Variants in PRKCA observed in about 807,000 individuals in gnomAD.
PRKCA encodes protein kinase C alpha type.
A neutral mutation model predicts 87.0 loss-of-function variants in PRKCA; 27 were observed. The observed-to-expected ratio is 0.31, with a 90% CI of 0.23 to 0.43. The LOEUF (loss-of-function observed/expected upper bound fraction) is 0.43, where lower values mean the gene tolerates loss of function less well. PRKCA is among the 20% of genes least tolerant of loss of function. PRKCA has a pLI of 1.00. For synonymous variants in PRKCA, 329 were observed against 311.1 expected, an observed-to-expected ratio of 1.06 and a Z score of -0.61; for missense variants, 518 against 852.3, an observed-to-expected ratio of 0.61 and a Z score of 4.88.
chr17:66,417,973 C>T (rs183978234), intron 2 of PRKCA, among the ~76,000 whole-genome samples: 1 of 152,294 alleles, frequency 6.6e-6, no homozygotes, highest in Non-Finnish European at 1.5e-5. Context: ...ATGTTGCACA[C>T]TCTCTGTTTT....
chr17:66,466,691 G>A (rs1407329805), intron 2 of PRKCA, among the ~76,000 whole-genome samples: 1 of 151,820 alleles, frequency 6.6e-6, no homozygotes, highest in Non-Finnish European at 1.5e-5. Flanking sequence ...TAAATTTTTG[G>A]TGTAATGCAC....
chr17:66,473,378 C>G (rs971264613), intron 2 of PRKCA, among the ~76,000 whole-genome samples: 4 of 152,204 alleles, frequency 2.6e-5, no homozygotes, highest in African/African-American at 9.6e-5. Context: ...CTACCCATCT[C>G]TTCCTTTCAG....
At chr17:66,452,398 T>G (rs1433671457) in intron 2 of PRKCA, among the ~76,000 whole-genome samples, 4 of 152,186 alleles carry the variant, frequency 2.6e-5, no homozygotes. Context: ...TTTGTGAGGC[T>G]TAACAGGAAG....
chr17:66,573,086 T>C (rs981917135), intron 3 of PRKCA, among the ~76,000 whole-genome samples: 1 of 152,158 alleles, frequency 6.6e-6, no homozygotes, highest in Admixed American at 6.5e-5. Context: ...CCTCCTCTTA[T>C]GATATTTTAT....
At chr17:66,373,799 A>C (rs984670318) in intron 2 of PRKCA, among the ~76,000 whole-genome samples, 1 of 152,210 alleles carries the variant, frequency 6.6e-6, no homozygotes, top group Admixed American at 6.5e-5. Context: ...AAAATCGGGT[A>C]GATTACCTCT....
intron 3 of PRKCA, among the ~76,000 whole-genome samples, chr17:66,512,186 C>T (rs1324598309): frequency 6.6e-6 from 1 of 152,128 alleles, no homozygotes; most frequent in African/African-American, 2.4e-5. Context: ...CATTGTGTCA[C>T]TCCATCTGAA....
intron 3 of PRKCA, among the ~76,000 whole-genome samples, chr17:66,637,889 C>T (rs1048141912): frequency 6.6e-5 from 10 of 152,052 alleles, no homozygotes; most frequent in Middle Eastern, 3.2e-3. Flanking sequence ...TGATGCTGTG[C>T]GGGAACCATG....
At position 66,688,952 on chromosome 17, in the gene PRKCA, T is replaced by C. The variant is rs745511133; in HGVS notation, c.823T>C (p.Tyr275His). 1.4e-5 allele frequency: 22 copies of C among 1,588,056 alleles called. No individual in the cohort carries two copies. The highest frequency in any genetic ancestry group is 1.9e-5 in the Non-Finnish European group (22 of 1,158,440). The change falls in exon 8 of 17, where the codon TAC (tyrosine) becomes CAC (histidine). Residue 275 changes from tyrosine to histidine, a missense_variant and splice_region_variant. Tyr to His is a moderately conservative substitution (Grantham distance 83, BLOSUM62 2). Around this residue, in one of 5 missense-constraint regions of PRKCA, gnomAD observed 300 missense variants for 496.8 expected, o/e 0.60. Coordinates refer to ENST00000413366, the MANE Select transcript of PRKCA (RefSeq NM_002737.3). ...ELMKMPASGW[Y>H]KLLNQEEGEY... ...CTCTTCTTCTCCCGTCCTTGAAAGG[T>C]ACAAGTTGCTTAACCAAGAAGAAGG...
intron 3 of PRKCA, among the ~76,000 whole-genome samples, chr17:66,550,518 G>A (rs534269305): frequency 2.5e-4 from 38 of 152,162 alleles, no homozygotes; most frequent in African/African-American, 8.2e-4. Flanking sequence ...GTGTGGTGGC[G>A]GACATCTGTA....
chr17:66,371,467 T>G (rs1331022882), intron 2 of PRKCA, among the ~76,000 whole-genome samples: 1 of 152,222 alleles, frequency 6.6e-6, no homozygotes, highest in East Asian at 1.9e-4. Flanking sequence ...TCTGCTCTGG[T>G]TGATGAACAG....
At chr17:66,645,878 G>A (rs61762404) in intron 5 of PRKCA, among the ~76,000 whole-genome samples, 1 of 152,318 alleles carries the variant, frequency 6.6e-6, no homozygotes, top group South Asian at 2.1e-4. Context: ...AAGGGGAGGC[G>A]AATGGATGGA....
chr17:66,414,770 T>C (rs1246625098), intron 2 of PRKCA, among the ~76,000 whole-genome samples: 1 of 152,030 alleles, frequency 6.6e-6, no homozygotes, highest in Admixed American at 6.6e-5. Context: ...CTGGAGAAAA[T>C]AGAAAAAGTC....
chr17:66,765,686 G>A (rs1239348324), intron 13 of PRKCA, among the ~76,000 whole-genome samples: 2 of 151,520 alleles, frequency 1.3e-5, no homozygotes, highest in South Asian at 2.1e-4. Context: ...ACCACAAGTG[G>A]CCAGTGGCCA....
At chr17:66,307,711 C>G (rs924046821) in intron 2 of PRKCA, among the ~76,000 whole-genome samples, 1 of 152,080 alleles carries the variant, frequency 6.6e-6, no homozygotes, top group Admixed American at 6.5e-5. Flanking sequence ...TGCATGATTT[C>G]CCCCAGAGCA....
At chr17:66,502,265 C>T (rs569913617) in intron 3 of PRKCA, among the ~76,000 whole-genome samples, 42 of 151,690 alleles carry the variant, frequency 2.8e-4, no homozygotes, top group Non-Finnish European at 5.3e-4. Context: ...GACAGAGTCT[C>T]GCTCTGTTTC....
At chr17:66,530,181 G>A (rs1046757900) in intron 3 of PRKCA, among the ~76,000 whole-genome samples, 3 of 152,198 alleles carry the variant, frequency 2.0e-5, no homozygotes, top group Non-Finnish European at 4.4e-5. Context: ...ATTTTGAACA[G>A]TCATGGTGGA....
At chr17:66,587,893 G>A (rs227909) in intron 3 of PRKCA, among the ~76,000 whole-genome samples, 10,445 of 50,602 alleles carry the variant, frequency 0.21, 1,230 homozygotes, top group Non-Finnish European at 0.27. Flanking sequence ...GTGTGTGTGT[G>A]TGTATATATA....
In PRKCA at chr17:66,742,615, C is replaced by T. The variant is rs184379109; in HGVS notation, c.1386-7C>T. On this transcript the variant is annotated splice_region_variant and splice_polypyrimidine_tract_variant and intron_variant, in intron 12 of 16. Transcript: ENST00000413366. Reference sequence around the variant, plus strand: ...AAGGACTCTGATGTTAACCCGGTTCCTTGCAGGGATCTGAAGTTAGATAAC... The same window carrying T: ...AAGGACTCTGATGTTAACCCGGTTCTTTGCAGGGATCTGAAGTTAGATAAC... The T allele has an allele frequency of 1.7e-5, 27 of 1,613,618 alleles. No homozygotes were observed. In the East Asian group the frequency reaches 2.2e-4, roughly 13 times the overall value.
intron 3 of PRKCA, among the ~76,000 whole-genome samples, chr17:66,573,244 A>T (rs781729986): frequency 2.0e-5 from 3 of 152,200 alleles, no homozygotes; most frequent in Non-Finnish European, 4.4e-5. Flanking sequence ...ATGAGCAGCT[A>T]AGCCCACACT....
Sources: gnomAD v4.1 joint callset for allele counts (sites outside exome capture counted in the v4.1 genomes callset) on GRCh38, gnomAD v4.1.1 for gene constraint, gnomAD v4.1.1 regional missense constraint, MANE v1.5 for transcripts, NCBI Gene and HGNC (gene_info 2026-07-23, HGNC 2026-07-21) for gene names.